Variants in PEMT observed in about 807,000 individuals in gnomAD.
The protein encoded by PEMT is phosphatidylethanolamine N-methyltransferase.
A neutral mutation model predicts 27.4 loss-of-function variants in PEMT; 23 were observed. That is an observed-to-expected ratio of 0.84 (90% CI 0.60 to 1.19). The LOEUF (loss-of-function observed/expected upper bound fraction) is 1.19. Ranked by LOEUF, PEMT falls within the 50% of genes most tolerant of loss-of-function variation. PEMT has a pLI of 0.00. For missense variants in PEMT, 307 were observed against 310.1 expected, an observed-to-expected ratio of 0.99 and a Z score of 0.07; for synonymous variants, 137 against 139.1, an observed-to-expected ratio of 0.98 and a Z score of 0.11.
At chr17:17,508,584 A>C (rs1379633126) in intron 5 of PEMT, among the ~76,000 whole-genome samples, 1 of 152,218 alleles carries the variant, frequency 6.6e-6, no homozygotes, top group Non-Finnish European at 1.5e-5. Context: ...GTTAAACAAA[A>C]GCAGTGGAAC....
chr17:17,547,282 C>G (rs1298622422), intron 2 of PEMT, among the ~76,000 whole-genome samples: 2 of 152,252 alleles, frequency 1.3e-5, no homozygotes, highest in African/African-American at 2.4e-5. Context: ...ACACACAGAT[C>G]TGTTCTTCAG....
chr17:17,508,751 C>T (rs1906107458), intron 5 of PEMT: 2 of 467,834 alleles, frequency 4.3e-6, no homozygotes, highest in African/African-American at 2.0e-5. Flanking sequence ...CTTGTCAGTA[C>T]CCGTACCTGG....
At chr17:17,557,125 G>A (rs937483834) in intron 2 of PEMT, among the ~76,000 whole-genome samples, 10 of 152,028 alleles carry the variant, frequency 6.6e-5, no homozygotes, top group Admixed American at 1.3e-4. Flanking sequence ...CTTTTCCCCC[G>A]GAGCCTCTGC....
intron 5 of PEMT, chr17:17,507,189 C>T (rs868841802): frequency 6.4e-7 from 1 of 1,559,546 alleles, no homozygotes; most frequent in Admixed American, 1.9e-5. Context: ...ACAGCTCCCG[C>T]AGGTGCTGGG....
In PEMT at chr17:17,505,641, T is replaced by C; in HGVS notation, c.*150A>G. The C allele has an allele frequency of 1.2e-6, 1 of 805,644 alleles. No individual in the cohort carries two copies. Among genetic ancestry groups the C allele is most frequent in the East Asian group, 3.2e-5 (1 of 31,042 alleles). The allele number at this position is 805,644 out of a possible 1,614,324, so 49.9% of individuals were successfully genotyped here. On this transcript the variant is annotated 3_prime_UTR_variant, in exon 7 of 7. Coordinates refer to ENST00000255389, the MANE Select transcript of PEMT (RefSeq NM_148172.3). ...TGGCCATATGTCGGCACGTCCAGGG[T>C]CCCCAAGGCAGCAGGTTCCAAGGCA...
intron 6 of PEMT, 122 bp downstream of exon 6, chr17:17,506,105 T>C: frequency 2.0e-6 from 2 of 1,017,640 alleles, no homozygotes; most frequent in Non-Finnish European, 2.9e-6. Context: ...CTGGGAGCCC[T>C]GGAGTGGGCC....
intron 2 of PEMT, among the ~76,000 whole-genome samples, chr17:17,567,583 G>A (rs937880886): frequency 1.3e-5 from 2 of 152,282 alleles, no homozygotes; most frequent in African/African-American, 4.8e-5. Context: ...GTGAGCGTGG[G>A]CACTGGGGAC....
At chr17:17,552,809 G>T (rs946141148) in intron 2 of PEMT, among the ~76,000 whole-genome samples, 4 of 152,338 alleles carry the variant, frequency 2.6e-5, no homozygotes, top group Non-Finnish European at 5.9e-5. Flanking sequence ...GCTCCCCAGG[G>T]CAGGGGCGTG....
intron 2 of PEMT, among the ~76,000 whole-genome samples, chr17:17,563,493 C>T (rs1020214697): frequency 1.3e-5 from 2 of 152,110 alleles, no homozygotes; most frequent in African/African-American, 4.8e-5. Flanking sequence ...CACAGGGTGC[C>T]CCTTAGGAAG....
At chr17:17,532,862 A>G (rs911159534) in intron 2 of PEMT, among the ~76,000 whole-genome samples, 1 of 152,224 alleles carries the variant, frequency 6.6e-6, no homozygotes, top group Non-Finnish European at 1.5e-5. Context: ...ACCTGTCTCT[A>G]CTGAAAATAC....
chr17:17,522,771 CA>C (rs1023935391), intron 2 of PEMT, among the ~76,000 whole-genome samples: 61 of 152,254 alleles, frequency 4.0e-4, no homozygotes, highest in African/African-American at 1.4e-3. Context: ...GTGCATCCCA[CA>C]GACTCTAAAA....
chr17:17,556,343 GCCTT>G (rs891203469), intron 2 of PEMT, among the ~76,000 whole-genome samples: 2 of 151,510 alleles, frequency 1.3e-5, no homozygotes, highest in Non-Finnish European at 2.9e-5. Flanking sequence ...CTGCATGGGA[GCCTT>G]CCTTCCTTCC....
rs143858800 is a variant in PEMT, at chr17:17,512,037, G to T, written c.466+472C>A. On this transcript the variant is annotated intron_variant, in intron 4 of 6. Transcript: ENST00000255389. The surrounding 1 kb of genome is among the most constrained non-coding windows in gnomAD (Gnocchi z 6.3). ...CCAGACCTACACCAGCCCTGCCTGC[G>T]GCCAAACACGGCACAAACCACAATC... Among the ~76,000 whole-genome samples, 2 of 152,144 alleles carry T rather than the reference G, an allele frequency of 1.3e-5. No individual in the cohort carries two copies. Among genetic ancestry groups the T allele is most frequent in the African/African-American group, 4.8e-5 (2 of 41,434 alleles).
chr17:17,517,844 C>T (rs1006266965), intron 3 of PEMT: 10 of 359,880 alleles, frequency 2.8e-5, no homozygotes, highest in East Asian at 1.6e-4. Context: ...TCTGAAGAGC[C>T]GGCTCACTCC....
At chr17:17,568,961 G>A (rs1831900911) in intron 2 of PEMT, among the ~76,000 whole-genome samples, 1 of 152,092 alleles carries the variant, frequency 6.6e-6, no homozygotes, top group South Asian at 2.1e-4. Flanking sequence ...CAAACATCCA[G>A]GCCCAGGAAA....
intron 5 of PEMT, chr17:17,508,949 G>T: frequency 3.3e-6 from 1 of 307,330 alleles, no homozygotes. Context: ...CAGCCCTGAT[G>T]TCCCCGCACA....
rs1434149717 is a variant in PEMT at position 17,513,079 on chromosome 17, G to T, written c.321-425C>A. Among the ~76,000 whole-genome samples, 1 of 152,198 alleles carries T rather than the reference G, an allele frequency of 6.6e-6. No homozygotes were observed. The highest frequency in any genetic ancestry group is 1.5e-5 in the Non-Finnish European group (1 of 68,028). ...TCAGGAAAGACGCAGGTGCCAGGTT[G>T]CAGGGCAGGCCCAGGTGTCCCATTC... On this transcript the variant is annotated intron_variant, in intron 3 of 6. Coordinates refer to ENST00000255389, the MANE Select transcript of PEMT (RefSeq NM_148172.3). The surrounding 1 kb of genome is among the most constrained non-coding windows in gnomAD (Gnocchi z 4.1).
At position 17,509,164 on chromosome 17, in the gene PEMT, G is replaced by A. The variant is rs537917952; in HGVS notation, c.578+270C>T. 3.3e-5 allele frequency among the ~76,000 whole-genome samples: 5 copies of A among 152,382 alleles called. No homozygotes were observed. In the South Asian group the frequency reaches 1.0e-3, roughly 32 times the overall value. ...CAGCTGTTTTGTGTGGCAGGACCAG[G>A]GCTGAGCAGCTGTGACCTGCCTGCA... is the stretch of plus-strand genomic sequence containing the variant. On this transcript the variant is annotated intron_variant, in intron 5 of 6. Transcript: ENST00000255389.
intron 2 of PEMT, among the ~76,000 whole-genome samples, chr17:17,544,649 G>A (rs937493434): frequency 1.3e-5 from 2 of 152,132 alleles, no homozygotes; most frequent in African/African-American, 4.8e-5. Context: ...AAGTGTGACG[G>A]GCAGGGGCTG....
Sources: allele counts gnomAD v4.1 joint callset (sites outside exome capture counted in the v4.1 genomes callset), GRCh38; gene constraint gnomAD v4.1.1; non-coding constraint Gnocchi (gnomAD v3.1); transcripts MANE v1.5; gene names NCBI Gene and HGNC (gene_info 2026-07-23, HGNC 2026-07-21).